CENPP: variants seen among roughly 807,000 people sequenced by gnomAD.
CENPP encodes centromere protein P.
A neutral mutation model predicts 35.6 loss-of-function variants in CENPP; 24 were observed. The ratio of observed to expected loss-of-function variants is 0.67; its 90% CI spans 0.49 to 0.95. The LOEUF is 0.95. Ranked by LOEUF, CENPP falls within the 40% of genes least tolerant of loss-of-function variation. The pLI is 0.00. For synonymous variants in CENPP, 120 were observed against 125.5 expected, an observed-to-expected ratio of 0.96 and a Z score of 0.29; for missense variants, 332 against 345.3, an observed-to-expected ratio of 0.96 and a Z score of 0.31.
At chr9:92,567,337 A>G (rs997268071) in intron 5 of CENPP, among the ~76,000 whole-genome samples, 3 of 138,806 alleles carry the variant, frequency 2.2e-5, no homozygotes, top group African/African-American at 7.7e-5. Flanking sequence ...TAAATTGACA[A>G]TTATACATTT....
intron 5 of CENPP, among the ~76,000 whole-genome samples, chr9:92,571,085 T>A (rs1850125989): frequency 6.6e-6 from 1 of 152,180 alleles, no homozygotes; most frequent in Non-Finnish European, 1.5e-5. Flanking sequence ...CTCCTTCAGT[T>A]CTGCTCTGAT....
intron 5 of CENPP, chr9:92,457,595 T>C (rs1251378221): frequency 2.6e-6 from 2 of 765,684 alleles, no homozygotes; most frequent in African/African-American, 3.5e-5. Context: ...TATTTTACAT[T>C]GGCTTGAATG....
At position 92,615,646 on chromosome 9, in the gene CENPP, A is replaced by G; in HGVS notation, c.*2497A>G. ...TCCTGGGACACAGCACTCACTTCCT[A>G]CATTCCTTGTCCAGGAAGTTGTTTC... On this transcript the variant is annotated 3_prime_UTR_variant, in exon 8 of 8. Coordinates refer to ENST00000375587, the MANE Select transcript of CENPP (RefSeq NM_001012267.3). 1 of 575,878 alleles carries G rather than the reference A, an allele frequency of 1.7e-6. No homozygotes were observed. Among genetic ancestry groups the G allele is most frequent in the East Asian group, 2.9e-5 (1 of 34,016 alleles). The allele number at this position is 575,878 out of a possible 1,614,324, so 35.7% of individuals were successfully genotyped here.
At chr9:92,417,606 G>A in intron 5 of CENPP, 1 of 1,160,422 alleles carries the variant, frequency 8.6e-7, no homozygotes, top group Non-Finnish European at 1.2e-6. Context: ...ACATTGTGGA[G>A]AAAGTGAGTA....
chr9:92,464,081 A>C (rs2131053742), intron 5 of CENPP, among the ~76,000 whole-genome samples: 1 of 152,332 alleles, frequency 6.6e-6, no homozygotes, highest in East Asian at 1.9e-4. Flanking sequence ...GAAAGTAAAA[A>C]TATGTTGTTA....
At chr9:92,548,036 G>T (rs1237749443) in intron 5 of CENPP, among the ~76,000 whole-genome samples, 1 of 152,180 alleles carries the variant, frequency 6.6e-6, no homozygotes, top group Non-Finnish European at 1.5e-5. Flanking sequence ...AAATCCAAAA[G>T]AATTTTCAGA....
intron 5 of CENPP, among the ~76,000 whole-genome samples, chr9:92,609,977 C>T (rs1272271244): frequency 6.6e-6 from 1 of 152,172 alleles, no homozygotes; most frequent in African/African-American, 2.4e-5. Flanking sequence ...CTCAGGTGGT[C>T]TGCCCTCCTT....
intron 5 of CENPP, among the ~76,000 whole-genome samples, chr9:92,552,659 A>G (rs1469895381): frequency 6.6e-6 from 1 of 151,934 alleles, no homozygotes; most frequent in Non-Finnish European, 1.5e-5. Flanking sequence ...AAAATTGTCT[A>G]TTCGTGTCAT....
At chr9:92,400,160 GT>G (rs903791723) in intron 5 of CENPP, among the ~76,000 whole-genome samples, 1 of 151,446 alleles carries the variant, frequency 6.6e-6, no homozygotes, top group South Asian at 2.1e-4. Flanking sequence ...TTTTGTTTTT[GT>G]TTTTTTTGAG....
intron 2 of CENPP, among the ~76,000 whole-genome samples, chr9:92,332,665 G>A (rs984455934): frequency 1.3e-5 from 2 of 152,078 alleles, no homozygotes; most frequent in South Asian, 2.1e-4. Flanking sequence ...AAAATTAGCC[G>A]GATGTGTTGG....
intron 5 of CENPP, among the ~76,000 whole-genome samples, chr9:92,592,060 T>A (rs1487956743): frequency 6.6e-6 from 1 of 151,388 alleles, no homozygotes; most frequent in African/African-American, 2.4e-5. Context: ...TAAAAAAAAA[T>A]AGACATACAG....
intron 5 of CENPP, among the ~76,000 whole-genome samples, chr9:92,596,772 C>A (rs1850795052): frequency 6.6e-6 from 1 of 152,036 alleles, no homozygotes; most frequent in African/African-American, 2.4e-5. Flanking sequence ...AGGTTCTGGA[C>A]TCTGGGCCCC....
chr9:92,595,878 T>C (rs573126160), intron 5 of CENPP, among the ~76,000 whole-genome samples: 1 of 152,178 alleles, frequency 6.6e-6, no homozygotes, highest in Non-Finnish European at 1.5e-5. Context: ...CTTCCATTTT[T>C]AAAAAACTGA....
At chr9:92,515,045 C>G (rs1277818992) in intron 5 of CENPP, 1 of 1,614,158 alleles carries the variant, frequency 6.2e-7, no homozygotes, top group East Asian at 2.2e-5. Context: ...TCATCCTCCT[C>G]AGATTGAAGT....
chr9:92,418,442 G>C (rs1843687744), intron 5 of CENPP, among the ~76,000 whole-genome samples: 1 of 151,602 alleles, frequency 6.6e-6, no homozygotes, highest in Non-Finnish European at 1.5e-5. Flanking sequence ...CAAAAGTCTG[G>C]TATACTAGAC....
chr9:92,496,054 T>C, intron 5 of CENPP: 1 of 1,069,054 alleles, frequency 9.4e-7, no homozygotes, highest in South Asian at 3.9e-5. Context: ...TAGCTCAGTA[T>C]GCATAATATC....
chr9:92,417,181 T>A (rs141944988), intron 5 of CENPP: 11 of 1,613,790 alleles, frequency 6.8e-6, no homozygotes, highest in Non-Finnish European at 9.3e-6. Context: ...GAGATTTAAT[T>A]TTGTTGTGGC....
chr9:92,368,722 C>T (rs1034107340), intron 4 of CENPP, among the ~76,000 whole-genome samples: 2 of 152,102 alleles, frequency 1.3e-5, no homozygotes, highest in Non-Finnish European at 2.9e-5. Context: ...TTCATATGCA[C>T]TGCATGATTA....
chr9:92,393,663 T>C (rs886315415), intron 5 of CENPP, among the ~76,000 whole-genome samples: 1 of 152,178 alleles, frequency 6.6e-6, no homozygotes, highest in Non-Finnish European at 1.5e-5. Flanking sequence ...ATTAGAGTAA[T>C]CGTAGGCACT....
Sources: gnomAD v4.1 joint callset for allele counts (sites outside exome capture counted in the v4.1 genomes callset) on GRCh38, gnomAD v4.1.1 for gene constraint, MANE v1.5 for transcripts, NCBI Gene and HGNC (gene_info 2026-07-23, HGNC 2026-07-21) for gene names.